Variants in CMPK2 observed in about 807,000 individuals in gnomAD.
CMPK2 encodes the protein UMP-CMP kinase 2, mitochondrial.
Under a neutral mutation model 33.4 loss-of-function variants are expected in CMPK2, and 32 were observed. The observed-to-expected ratio is 0.96, with a 90% CI of 0.72 to 1.29. The LOEUF (loss-of-function observed/expected upper bound fraction) is 1.29. CMPK2 is among the 50% of genes most tolerant of loss of function. The pLI, the probability that CMPK2 is intolerant of heterozygous loss-of-function variation, is 0.00. For synonymous variants in CMPK2, 299 were observed against 275.3 expected, an observed-to-expected ratio of 1.09 and a Z score of -0.85; for missense variants, 672 against 616.0, an observed-to-expected ratio of 1.09 and a Z score of -0.96.
chr2:6,849,162 T>C lies in CMPK2; in HGVS notation c.*688A>G, dbSNP rs1007693119. The C allele has an allele frequency of 2.5e-5, 25 of 984,986 alleles. No homozygotes were observed. Among genetic ancestry groups the C allele is most frequent in the African/African-American group, 3.5e-5 (2 of 57,216 alleles). The allele number at this position is 984,986 out of a possible 1,614,324, so 61.0% of individuals were successfully genotyped here. A position where few individuals can be genotyped will look rare whatever the true frequency, so the allele number is the denominator to read the frequency against. On this transcript the variant is annotated 3_prime_UTR_variant, in exon 5 of 5. Transcript: ENST00000256722. The stretch of plus-strand genomic sequence containing the variant: ...CAAAATATAATTCAGAGAAGGTTGG[T>C]ATATTTGCAGTTGGAGCATCTTGGC...
intron 2 of CMPK2, 34 bp downstream of exon 2, chr2:6,863,430 C>G (rs755229087): frequency 3.9e-6 from 6 of 1,552,486 alleles, no homozygotes; most frequent in African/African-American, 1.4e-5. Flanking sequence ...CAGTTAGTGT[C>G]ATTGCCTATA....
At position 6,848,823 on chromosome 2, in the gene CMPK2, C is replaced by T. The variant is rs750942668; in HGVS notation, c.*1027G>A. 46 of 985,636 alleles carry T rather than the reference C, an allele frequency of 4.7e-5. No homozygotes were observed. Among genetic ancestry groups the T allele is most frequent in the Middle Eastern group, 5.2e-4 (1 of 1,936 alleles). The allele number at this position is 985,636 out of a possible 1,614,324, so 61.1% of individuals were successfully genotyped here. A position where few individuals can be genotyped will look rare whatever the true frequency, so the allele number is the denominator to read the frequency against. ...TTTTCTGTCTAAAGATATGTCAAAG[C>T]GATTTCATATGTAATCATGAGACAT... On this transcript the variant is annotated 3_prime_UTR_variant, in exon 5 of 5. Transcript: ENST00000256722.
chr2:6,865,910 G>A (rs2103231648), upstream of CMPK2: 2 of 1,409,898 alleles, frequency 1.4e-6, no homozygotes, highest in Non-Finnish European at 1.9e-6. Flanking sequence ...CGAGATGTGC[G>A]CGATAAACGG....
At chr2:6,857,330 GAT>G (rs1662736859) in intron 3 of CMPK2, among the ~76,000 whole-genome samples, 1 of 143,188 alleles carries the variant, frequency 7.0e-6, no homozygotes, top group African/African-American at 2.8e-5. Flanking sequence ...TTGTTTTTGG[GAT>G]TTTTTTTTTT....
In CMPK2 at chr2:6,848,538, T is replaced by C. The variant is rs13308; in HGVS notation, c.*1312A>G. On this transcript the variant is annotated 3_prime_UTR_variant, in exon 5 of 5. Transcript: ENST00000256722. ...TACATTTTAATATACACATATTATA[T>C]AGAAATTACCTATAGCTCTTTTAAA... 0.75 allele frequency: 718,082 copies of C among 952,996 alleles called. 272,620 individuals carry two copies. Among genetic ancestry groups the C allele is most frequent in the East Asian group, 0.9 (7,782 of 8,690 alleles). The allele number at this position is 952,996 out of a possible 1,614,324, so 59.0% of individuals were successfully genotyped here.
chr2:6,866,602 T>G (rs1663097467), upstream of CMPK2: 1 of 274,414 alleles, frequency 3.6e-6, no homozygotes, highest in African/African-American at 2.3e-5. Context: ...CAGTCCAGCA[T>G]CAGCACTGTT....
downstream of CMPK2, among the ~76,000 whole-genome samples, chr2:6,847,441 G>C (rs1480475308): frequency 6.6e-6 from 1 of 152,232 alleles, no homozygotes; most frequent in Non-Finnish European, 1.5e-5. Context: ...CCAGAGGTTT[G>C]TGCAAGCTTT....
At chr2:6,852,088 C>G (rs1662541677) in intron 3 of CMPK2, among the ~76,000 whole-genome samples, 1 of 152,172 alleles carries the variant, frequency 6.6e-6, no homozygotes, top group African/African-American at 2.4e-5. Context: ...CTGGAAAGGC[C>G]ATGTCAGTTC....
At position 6,851,655 on chromosome 2, in the gene CMPK2, T is replaced by C. The variant is rs367752153; in HGVS notation, c.1021A>G (p.Ile341Val). Residue 341 changes from isoleucine to valine, a missense_variant, in exon 4 of 5, where the codon ATA becomes GTA. By Grantham distance (29) the Ile-to-Val change is conservative. Transcript: ENST00000256722. ...RYWHSTATYA[I>V]ATEVSGGLQH... Reference sequence around the variant, plus strand: ...AGACCCCCACTCACCTCAGTGGCTATGGCATAGGTGGCCGTGCTGTGCCAG... The same window carrying C: ...AGACCCCCACTCACCTCAGTGGCTACGGCATAGGTGGCCGTGCTGTGCCAG... 6.8e-6 allele frequency: 11 copies of C among 1,614,020 alleles called. No homozygotes were observed. The highest frequency in any genetic ancestry group is 1.3e-5 in the African/African-American group (1 of 74,912).
chr2:6,861,533 G>C, intron 2 of CMPK2, 148 bp from the exon 3 acceptor site: 1 of 667,882 alleles, frequency 1.5e-6, no homozygotes, highest in Non-Finnish European at 2.5e-6. Flanking sequence ...AGACCCATAG[G>C]AAGTTAGGAT....
chr2:6,841,263 A>C (rs1662226343), intron 3 of CMPK2, among the ~76,000 whole-genome samples: 1 of 152,154 alleles, frequency 6.6e-6, no homozygotes, highest in Admixed American at 6.6e-5. Flanking sequence ...TAGTGAAGGC[A>C]TCCACCCACA....
Position 6,851,473 on chromosome 2 carries a change from C to T in CMPK2, c.1203G>A (p.Glu401=). The T allele has an allele frequency of 1.2e-6, 2 of 1,614,236 alleles. No individual in the cohort carries two copies. Residue 401 remains glutamate, a synonymous_variant, in exon 4 of 5, where the codon GAG becomes GAA. Transcript: ENST00000256722. ...MEKTREEAEL[E]ANSVFRQKVE... is the part of the protein sequence containing the mutation. Reference sequence around the variant, plus strand: ...ACTTTTGACGAAACACACTGTTGGCCTCAAGTTCTGCTTCTTCCCTGGTCT... The same window carrying T: ...ACTTTTGACGAAACACACTGTTGGCTTCAAGTTCTGCTTCTTCCCTGGTCT...
At chr2:6,866,566 G>T, upstream of CMPK2, 1 of 672,170 alleles carries the variant, frequency 1.5e-6, no homozygotes, top group African/African-American at 1.9e-5. Context: ...GGTGAAGTGT[G>T]TCAGGATAGC....
intron 2 of CMPK2, 41 bp from the exon 3 acceptor site, chr2:6,861,426 C>T (rs1262663598): frequency 2.7e-6 from 4 of 1,503,130 alleles, no homozygotes; most frequent in Middle Eastern, 1.7e-4. Flanking sequence ...TAACCACAGC[C>T]CCAAAGTTAA....
At chr2:6,842,672 T>G (rs1662261752) in intron 3 of CMPK2, among the ~76,000 whole-genome samples, 1 of 152,214 alleles carries the variant, frequency 6.6e-6, no homozygotes. Context: ...TTTAAATGCC[T>G]TCTGAGCCTT....
chr2:6,849,890 G>A lies in CMPK2; in HGVS notation c.1310C>T (p.Thr437Met), dbSNP rs527462136. 84 of 1,613,986 alleles carry A rather than the reference G, an allele frequency of 5.2e-5. No individual in the cohort carries two copies. Among genetic ancestry groups the A allele is most frequent in the Non-Finnish European group, 6.6e-5 (78 of 1,180,026 alleles). The change falls in exon 5 of 5, where the codon ACG becomes ATG. Residue 437 changes from threonine to methionine, a missense_variant. Thr to Met is a moderately conservative substitution (Grantham distance 81). Transcript: ENST00000256722. Reference sequence around the variant, plus strand: ...ACTATTCTGGATTAGGCTTAATACCGTCTGCAGGACCTTTTCTCTGGAGGG... The same window carrying A: ...ACTATTCTGGATTAGGCTTAATACCATCTGCAGGACCTTTTCTCTGGAGGG... ...ASPSREKVLQ[T>M]VLSLIQNSFS... is the part of the protein sequence containing the mutation.
Position 6,857,698 on chromosome 2 carries a change from G to T in CMPK2, c.992+3486C>A, listed in dbSNP as rs1281967641. On this transcript the variant is annotated intron_variant, in intron 3 of 4. Coordinates refer to ENST00000256722, the MANE Select transcript of CMPK2 (RefSeq NM_207315.4). ...CGCCCAGGCTGGAGTGCAGTGGCAT[G>T]ATCTCAGCTCACTGCAGGCTCCACC... is the stretch of plus-strand genomic sequence containing the variant. Among the ~76,000 whole-genome samples, 4 of 143,084 alleles carry T rather than the reference G, an allele frequency of 2.8e-5. No homozygotes were observed. In the Admixed American group the frequency reaches 2.9e-4, roughly 10 times the overall value. 93.9% of individuals were successfully genotyped at this position (143,084 alleles called of 152,430 possible).
At chr2:6,843,052 A>C (rs950406917) in intron 3 of CMPK2, among the ~76,000 whole-genome samples, 1 of 152,326 alleles carries the variant, frequency 6.6e-6, no homozygotes, top group Non-Finnish European at 1.5e-5. Context: ...GTAAAACTTT[A>C]ATCTGAGGAT....
At chr2:6,863,723 T>A in intron 1 of CMPK2, 145 bp from the exon 2 acceptor site, 1 of 606,912 alleles carries the variant, frequency 1.6e-6, no homozygotes, top group Non-Finnish European at 3.0e-6. Flanking sequence ...ATTCAGAGTA[T>A]TTCGATGCTA....
Sources: allele counts gnomAD v4.1 joint callset (sites outside exome capture counted in the v4.1 genomes callset), GRCh38; gene constraint gnomAD v4.1.1; transcripts MANE v1.5; gene names NCBI Gene and HGNC (gene_info 2026-07-23, HGNC 2026-07-21).